The following TMEM108 variants were observed in gnomAD, a reference collection of about 807,000 sequenced individuals.
TMEM108 encodes transmembrane protein 108, also known as cancer/testis antigen 124.
In TMEM108, 12 loss-of-function variants were observed where a neutral mutation model predicts 35.1. The ratio of observed to expected loss-of-function variants is 0.34; its 90% confidence interval spans 0.22 to 0.55. The LOEUF (loss-of-function observed/expected upper bound fraction) is 0.55, where lower values mean the gene tolerates loss of function less well. Among genes scored for constraint, TMEM108 ranks in the 20% least tolerant of loss-of-function variants. TMEM108 has a pLI of 0.89. For synonymous variants in TMEM108, 287 were observed against 308.6 expected (o/e 0.93, Z 0.73); for missense variants, 680 against 753.3 (o/e 0.90, Z 1.14).
intron 3 of TMEM108, among the ~76,000 whole-genome samples, chr3:133,250,439 A>G (rs1157894886): frequency 6.6e-6 from 1 of 152,230 alleles, no homozygotes; most frequent in African/African-American, 2.4e-5. Flanking sequence ...TACAGTATAT[A>G]TAACATACAA....
At chr3:133,121,247 T>C (rs1050052545) in intron 2 of TMEM108, among the ~76,000 whole-genome samples, 11 of 152,232 alleles carry the variant, frequency 7.2e-5, no homozygotes, top group African/African-American at 2.4e-4. Context: ...TTTGGAATCA[T>C]GGGGACCTGA....
intron 2 of TMEM108, among the ~76,000 whole-genome samples, chr3:133,207,608 CT>C (rs1055119380): frequency 5.2e-4 from 79 of 151,990 alleles, no homozygotes; most frequent in African/African-American, 1.7e-3. Context: ...TTCTGACTGC[CT>C]TTGTTTAGAA....
chr3:133,196,333 G>A (rs1945576145), intron 2 of TMEM108, among the ~76,000 whole-genome samples: 1 of 152,154 alleles, frequency 6.6e-6, no homozygotes, highest in Non-Finnish European at 1.5e-5. Flanking sequence ...TCACCACGTA[G>A]CCTATGAGCT....
At chr3:133,039,957 T>G (rs1943253036) in intron 1 of TMEM108, among the ~76,000 whole-genome samples, 1 of 152,192 alleles carries the variant, frequency 6.6e-6, no homozygotes, top group Non-Finnish European at 1.5e-5. Context: ...TAAATATATT[T>G]TTTTAAGAGG....
chr3:133,180,877 C>A (rs1945326976), intron 2 of TMEM108, among the ~76,000 whole-genome samples: 1 of 151,852 alleles, frequency 6.6e-6, no homozygotes, highest in Admixed American at 6.6e-5. Context: ...TCTTTGGCCT[C>A]CCAGTAAATT....
At chr3:133,109,553 A>G (rs116944687) in intron 2 of TMEM108, among the ~76,000 whole-genome samples, 2 of 152,238 alleles carry the variant, frequency 1.3e-5, no homozygotes, top group East Asian at 1.9e-4. Context: ...GAATAGGGCA[A>G]ACGTTACAAC....
At chr3:133,050,932 T>A (rs909858632) in intron 2 of TMEM108, among the ~76,000 whole-genome samples, 7 of 152,008 alleles carry the variant, frequency 4.6e-5, no homozygotes, top group African/African-American at 1.7e-4. Flanking sequence ...GTTGCTTCCA[T>A]GTTTTGGCAA....
At chr3:133,132,045 A>T (rs995940380) in intron 2 of TMEM108, among the ~76,000 whole-genome samples, 1 of 152,220 alleles carries the variant, frequency 6.6e-6, no homozygotes, top group South Asian at 2.1e-4. Flanking sequence ...AAGAAGCTGC[A>T]GAAGAAAAAT....
chr3:133,155,126 G>A (rs1162426970), intron 2 of TMEM108, among the ~76,000 whole-genome samples: 2 of 152,186 alleles, frequency 1.3e-5, no homozygotes, highest in South Asian at 2.1e-4. Context: ...TTCTGATCTT[G>A]CATTCGTTTG....
intron 2 of TMEM108, among the ~76,000 whole-genome samples, chr3:133,078,602 T>G (rs1286912735): frequency 6.6e-6 from 1 of 152,178 alleles, no homozygotes; most frequent in Non-Finnish European, 1.5e-5. Context: ...TGATAGCAAC[T>G]CAGTAATTTA....
chr3:133,122,957 C>T (rs1329370452), intron 2 of TMEM108, among the ~76,000 whole-genome samples: 3 of 151,950 alleles, frequency 2.0e-5, no homozygotes, highest in Admixed American at 2.0e-4. Context: ...AAATATCATT[C>T]CTTAAAGGTA....
At chr3:133,080,703 C>G (rs1285513763) in intron 2 of TMEM108, among the ~76,000 whole-genome samples, 3 of 152,092 alleles carry the variant, frequency 2.0e-5, no homozygotes. Context: ...AATTAGTAGA[C>G]ACTTAGTGCT....
chr3:133,156,504 G>C (rs1043328438), intron 2 of TMEM108, among the ~76,000 whole-genome samples: 3 of 152,198 alleles, frequency 2.0e-5, no homozygotes, highest in African/African-American at 7.2e-5. Context: ...TCCAAAAGCT[G>C]TTTGACTTAC....
rs182440835 is a variant in TMEM108, at chr3:133,385,611, G to A, written c.1450+4450G>A. Among the ~76,000 whole-genome samples, 281 of 152,312 alleles carry A rather than the reference G, an allele frequency of 1.8e-3. 2 individuals carry two copies. The highest frequency in any genetic ancestry group is 6.6e-3 in the African/African-American group (273 of 41,574). On this transcript the variant is annotated intron_variant, in intron 4 of 5. Coordinates refer to ENST00000321871, the MANE Select transcript of TMEM108 (RefSeq NM_023943.4). ...CATGGGCGAATCCTTTCCCTCACTGGTCTCAGGTTTCTCATCGACAAAACA... is the reference window on the plus strand; with the variant it reads ...CATGGGCGAATCCTTTCCCTCACTGATCTCAGGTTTCTCATCGACAAAACA...
At chr3:133,328,246 G>T (rs1461948702) in intron 3 of TMEM108, among the ~76,000 whole-genome samples, 2 of 152,176 alleles carry the variant, frequency 1.3e-5, no homozygotes, top group African/African-American at 4.8e-5. Flanking sequence ...ACAACGGTGT[G>T]TGCCTAATAG....
Position 133,154,027 on chromosome 3 carries a change from C to CTT in TMEM108, c.-46-75231_-46-75230dup, listed in dbSNP as rs11434642. On this transcript the variant is annotated intron_variant, in intron 2 of 5. Coordinates refer to ENST00000321871, the MANE Select transcript of TMEM108 (RefSeq NM_023943.4). Reference sequence around the variant, plus strand: ...TTCTCCAAAACAATAAATTAGTAGACTTTTTTTTTCGTTTTTTAAAAAAAA... The same window carrying CTT: ...TTCTCCAAAACAATAAATTAGTAGACTTTTTTTTTTTCGTTTTTTAAAAAAAA... 4.9e-3 allele frequency among the ~76,000 whole-genome samples: 742 copies of CTT among 150,822 alleles called. 13 individuals carry two copies. The East Asian group carries it at 0.065, about 13-fold the overall frequency.
chr3:133,285,762 A>G (rs747881691), intron 3 of TMEM108, among the ~76,000 whole-genome samples: 2 of 152,166 alleles, frequency 1.3e-5, no homozygotes, highest in African/African-American at 2.4e-5. Flanking sequence ...CTAGACCACC[A>G]TCACTGCCTG....
At chr3:133,321,254 G>C (rs2107719370) in intron 3 of TMEM108, among the ~76,000 whole-genome samples, 1 of 152,296 alleles carries the variant, frequency 6.6e-6, no homozygotes, top group South Asian at 2.1e-4. Flanking sequence ...AACCAAGTAT[G>C]TGCTGTCTTC....
intron 2 of TMEM108, among the ~76,000 whole-genome samples, chr3:133,081,107 A>T (rs1014597636): frequency 1.6e-4 from 24 of 152,210 alleles, no homozygotes; most frequent in Admixed American, 8.5e-4. Flanking sequence ...GTCACTTCTC[A>T]TGCCTTCATC....
Sources: gnomAD v4.1 joint callset for allele counts (sites outside exome capture counted in the v4.1 genomes callset) on GRCh38, gnomAD v4.1.1 for gene constraint, MANE v1.5 for transcripts, NCBI Gene and HGNC (gene_info 2026-07-23, HGNC 2026-07-21) for gene names.